The following RPS17 variants were observed in gnomAD, a reference collection of about 807,000 sequenced individuals.
RPS17 encodes ribosomal protein S17.
For missense variants in RPS17, 68 were observed against 182.3 expected (o/e 0.37, Z 3.61); for synonymous variants, 75 against 65.6 (o/e 1.14, Z -0.70).
At chr15:82,538,137 G>T in intron 4 of RPS17, 169 bp downstream of exon 4, 1 of 711,824 alleles carries the variant, frequency 1.4e-6, no homozygotes, top group Non-Finnish European at 2.6e-6. Flanking sequence ...CTAACTCAAT[G>T]CACACAACTT....
chr15:82,537,509 T>C, intron 4 of RPS17: 3 of 307,554 alleles, frequency 9.8e-6, no homozygotes, highest in South Asian at 5.8e-5. Flanking sequence ...GACCCTGCCC[T>C]CAAACAAGTT....
chr15:82,538,199 G>A, intron 4 of RPS17, 107 bp downstream of exon 4: 1 of 1,230,042 alleles, frequency 8.1e-7, no homozygotes, highest in Non-Finnish European at 1.2e-6. Context: ...AAGTTTAGAT[G>A]GGATTCCCAA....
rs764270175 is a variant in RPS17, at chr15:82,540,451, A to G, written c.-23T>C. The G allele has an allele frequency of 2.4e-5, 38 of 1,589,784 alleles. No individual in the cohort carries two copies. In the South Asian group the frequency reaches 3.8e-4, roughly 16 times the overall value. On this transcript the variant is annotated 5_prime_UTR_variant, in exon 1 of 5. Transcript: ENST00000647841. Reference sequence around the variant, plus strand: ...CATGTTGGCGGGTCCTTGGTAAAAGAGGAAACAGGAAGCACAGGCGAAGCC... The same window carrying G: ...CATGTTGGCGGGTCCTTGGTAAAAGGGGAAACAGGAAGCACAGGCGAAGCC...
intron 2 of RPS17, chr15:82,539,271 A>G (rs1184623879): frequency 1.7e-6 from 1 of 594,540 alleles, no homozygotes; most frequent in Non-Finnish European, 3.1e-6. Context: ...CACAGCCTTC[A>G]TTTTCTTCCA....
At chr15:82,538,701 GT>G (rs2034283995) in intron 3 of RPS17, 178 bp downstream of exon 3, 2 of 726,594 alleles carry the variant, frequency 2.8e-6, no homozygotes, top group Middle Eastern at 3.8e-4. Context: ...GACTTAACTG[GT>G]TCCAGAAGAG....
At chr15:82,538,516 G>C (rs1360396539) in intron 3 of RPS17, 145 bp from the exon 4 acceptor site, 15 of 917,534 alleles carry the variant, frequency 1.6e-5, no homozygotes, top group Non-Finnish European at 2.3e-5. Flanking sequence ...GTCTCTTACA[G>C]TATTACAGAC....
At chr15:82,539,008 G>A (rs2150887832) in intron 2 of RPS17, 23 bp from the exon 3 acceptor site, 1 of 1,610,236 alleles carries the variant, frequency 6.2e-7, no homozygotes, top group Non-Finnish European at 8.5e-7. Context: ...CACAGCCAAA[G>A]AGAACAGTGA....
rs1273424644 is a variant in RPS17 at position 82,539,961 on chromosome 15, C to T, written c.155+20G>A. The T allele has an allele frequency of 1.2e-6, 2 of 1,612,034 alleles. No individual in the cohort carries two copies. Among genetic ancestry groups the T allele is most frequent in the Non-Finnish European group, 1.7e-6 (2 of 1,179,868 alleles). On this transcript the variant is annotated intron_variant, in intron 2 of 4. Coordinates refer to ENST00000647841, the MANE Select transcript of RPS17 (RefSeq NM_001021.6). Reference sequence around the variant, plus strand: ...CAAACAGATCGCGGAGCCCCGGAGGCCGAGGAAGGCCCGACTCACCCTGCT... The same window carrying T: ...CAAACAGATCGCGGAGCCCCGGAGGTCGAGGAAGGCCCGACTCACCCTGCT...
At chr15:82,539,503 C>T (rs1287272608) in intron 2 of RPS17, 12 of 457,626 alleles carry the variant, frequency 2.6e-5, no homozygotes, top group South Asian at 1.1e-4. Flanking sequence ...GCCTGGTCAA[C>T]ATTGTGAAAC....
chr15:82,538,633 T>C (rs1213165557), intron 3 of RPS17: 12 of 645,558 alleles, frequency 1.9e-5, no homozygotes, highest in Admixed American at 1.6e-4. Context: ...GGGCAAACAA[T>C]CGAGCCACGA....
Position 82,538,962 on chromosome 15 carries a change from C to A in RPS17, c.179G>T (p.Arg60Leu). Residue 60 changes from arginine (R) to leucine (L), a missense_variant, in exon 3 of 5, where the codon CGA becomes CTA. Transcript: ENST00000647841. ...IAGYVTHLMK[R>L]IQRGPVRGIS... ...ACCTCTTACTGGGCCTCTCTGAATT[C>A]GCTTCATCAGATGCGTGACATAACT... 3 of 1,613,974 alleles carry A rather than the reference C, an allele frequency of 1.9e-6. No individual in the cohort carries two copies. Among genetic ancestry groups the A allele is most frequent in the Non-Finnish European group, 2.5e-6 (3 of 1,179,882 alleles).
chr15:82,538,491 CT>C, intron 3 of RPS17, 120 bp from the exon 4 acceptor site: 1 of 1,156,064 alleles, frequency 8.7e-7, no homozygotes, highest in Admixed American at 1.8e-5. Flanking sequence ...TAGCATTCCT[CT>C]CACAAGGTGA....
chr15:82,537,099 C>T lies in RPS17; in HGVS notation c.328-218G>A, dbSNP rs2034253036. The T allele has an allele frequency of 4.7e-5, 30 of 641,452 alleles. No homozygotes were observed. In the South Asian group the frequency reaches 4.7e-4, roughly 10 times the overall value. 39.7% of individuals were successfully genotyped at this position (641,452 alleles called of 1,614,324 possible). A position where few individuals can be genotyped will look rare whatever the true frequency, so the allele number is the denominator to read the frequency against. On this transcript the variant is annotated intron_variant, in intron 4 of 4. Coordinates refer to ENST00000647841, the MANE Select transcript of RPS17 (RefSeq NM_001021.6). The stretch of plus-strand genomic sequence containing the variant: ...GACCATGTGGTATCCCCATTTACAA[C>T]TCTATGACTTTTACCCAATGTACCA...
chr15:82,537,805 G>GA, intron 4 of RPS17: 1 of 447,370 alleles, frequency 2.2e-6, no homozygotes, highest in Non-Finnish European at 4.5e-6. Context: ...ATCACCAACC[G>GA]CCCATGAAGC....
At chr15:82,540,246 G>A (rs1486016655) in intron 1 of RPS17, 114 bp from the exon 2 acceptor site, 6 of 1,607,262 alleles carry the variant, frequency 3.7e-6, no homozygotes, top group East Asian at 2.2e-5. Context: ...GAGCCGGAGA[G>A]GGCCCGGCTA....
chr15:82,538,767 T>C (rs2034285307), intron 3 of RPS17, 113 bp downstream of exon 3: 3 of 1,136,858 alleles, frequency 2.6e-6, no homozygotes, highest in African/African-American at 1.5e-5. Context: ...CAGCTGGTTA[T>C]GGAATGTATG....
At chr15:82,537,237 G>A (rs1187419863) in intron 4 of RPS17, 6 of 394,462 alleles carry the variant, frequency 1.5e-5, no homozygotes, top group African/African-American at 1.2e-4. Flanking sequence ...ATAGGCAGCT[G>A]TACTGTGTAT....
chr15:82,538,440 C>T (rs1483521118), intron 3 of RPS17, 69 bp from the exon 4 acceptor site: 2 of 1,542,878 alleles, frequency 1.3e-6, no homozygotes, highest in Non-Finnish European at 1.8e-6. Flanking sequence ...CTCCTCCTCT[C>T]CCCAGGTTCT....
chr15:82,538,045 AT>A lies in RPS17; in HGVS notation c.327+260del, dbSNP rs1339899106. On this transcript the variant is annotated intron_variant, in intron 4 of 4. Coordinates refer to ENST00000647841, the MANE Select transcript of RPS17 (RefSeq NM_001021.6). ...ACAAAGGGGGCAACGTAAGCCAGCT[AT>A]AAAACCAAGAACAGAAGCAGCCAAG... 1.1e-5 allele frequency: 6 copies of A among 531,074 alleles called. No homozygotes were observed. In the East Asian group the frequency reaches 2.8e-4, roughly 25 times the overall value. The allele number at this position is 531,074 out of a possible 1,614,324, so 32.9% of individuals were successfully genotyped here.
Sources: gnomAD v4.1 joint callset for allele counts on GRCh38, gnomAD v4.1.1 for gene constraint, MANE v1.5 for transcripts, NCBI Gene and HGNC (gene_info 2026-07-23, HGNC 2026-07-21) for gene names.